NOD1: variants seen among roughly 807,000 people sequenced by gnomAD.
NOD1 encodes nucleotide binding oligomerization domain containing 1, also known as nucleotide-binding oligomerization domain-containing protein 1.
Under a neutral mutation model 81.2 loss-of-function variants are expected in NOD1, and 70 were observed. That is an observed-to-expected ratio of 0.86 (90% CI 0.71 to 1.05). NOD1 has a LOEUF of 1.05. NOD1 is among the 50% of genes least tolerant of loss of function. The pLI, the probability that NOD1 is intolerant of heterozygous loss-of-function variation, is 0.00. For synonymous variants in NOD1, 508 were observed against 526.9 expected, an observed-to-expected ratio of 0.96 and a Z score of 0.49; for missense variants, 1,233 against 1,228.0, an observed-to-expected ratio of 1.00 and a Z score of -0.06.
chr7:30,433,385 C>G (rs527651433), intron 11 of NOD1: 2 of 556,158 alleles, frequency 3.6e-6, no homozygotes, highest in East Asian at 2.9e-5. Flanking sequence ...AAATCCTGTA[C>G]CTGGGCTCCT....
chr7:30,448,379 A>G lies in NOD1; in HGVS notation c.2204T>C (p.Leu735Pro). The change falls in exon 7 of 14, where the codon CTC becomes CCC. Residue 735 changes from leucine to proline, a missense_variant and splice_region_variant. By Grantham distance (98) the Leu-to-Pro change is moderately conservative. Coordinates refer to ENST00000222823, the MANE Select transcript of NOD1 (RefSeq NM_006092.4). ...ACCGTCAGTGATCTGGTTTACGCTG[A>G]GTCTGAAATAAAACAGCAAAAAAAT... is the stretch of plus-strand genomic sequence containing the variant. ...PCFSRLTVLRLSVNQITDGGV... is the reference protein window; with the variant it reads ...PCFSRLTVLRPSVNQITDGGV... The G allele has an allele frequency of 6.2e-7, 1 of 1,613,804 alleles. No homozygotes were observed. Among genetic ancestry groups the G allele is most frequent in the Non-Finnish European group, 8.5e-7 (1 of 1,179,648 alleles).
In NOD1 at chr7:30,451,314, G is replaced by A. The variant is rs773738635; in HGVS notation, c.2103C>T (p.His701=). The change falls in exon 6 of 14, where the codon CAC becomes CAT. Residue 701 remains histidine (H), a synonymous_variant. Coordinates refer to ENST00000222823, the MANE Select transcript of NOD1 (RefSeq NM_006092.4). The surrounding 1 kb of genome is among the most constrained non-coding windows in gnomAD (Gnocchi z 4.2). ...DCSALSFVLH[H]FPKRLALDLD... is the part of the protein sequence containing the mutation. ...GGTCTAGGGCCAGCCGCTTGGGGAA[G>A]TGATGCAGGACGAAGGAGAGGGCGC... 6.2e-7 allele frequency: 1 copy of A among 1,614,228 alleles called. No individual in the cohort carries two copies. Among genetic ancestry groups the A allele is most frequent in the Middle Eastern group, 1.6e-4 (1 of 6,062 alleles).
At chr7:30,477,138 C>G (rs1436317811) in intron 1 of NOD1, among the ~76,000 whole-genome samples, 2 of 152,202 alleles carry the variant, frequency 1.3e-5, no homozygotes, top group Non-Finnish European at 2.9e-5. Flanking sequence ...AGTTTTGACC[C>G]AGATTTGATG....
intron 7 of NOD1, chr7:30,447,792 T>G (rs1329842599): frequency 1.9e-5 from 3 of 156,074 alleles, no homozygotes; most frequent in Non-Finnish European, 4.3e-5. Flanking sequence ...GTGGAGCTAC[T>G]TATAGTCTTT....
intron 1 of NOD1, among the ~76,000 whole-genome samples, chr7:30,471,356 G>A (rs894377224): frequency 1.3e-5 from 2 of 152,184 alleles, no homozygotes; most frequent in Admixed American, 6.5e-5. Context: ...CCAACCAGCC[G>A]AGATACACCT....
At chr7:30,460,765 G>C (rs1034913710) in intron 1 of NOD1, 1 of 832,088 alleles carries the variant, frequency 1.2e-6, no homozygotes, top group Non-Finnish European at 1.4e-6. Flanking sequence ...CCTCTCAACC[G>C]CTCTTCTTTC....
intron 13 of NOD1, among the ~76,000 whole-genome samples, chr7:30,425,958 A>AT (rs2127978583): frequency 1.3e-5 from 2 of 151,814 alleles, no homozygotes; most frequent in East Asian, 3.9e-4. Context: ...ATTTAATGAC[A>AT]TTTTCCAGGT....
rs568930061 is a variant in NOD1 at position 30,433,061 on chromosome 7, A to C, written c.2705+35T>G. On this transcript the variant is annotated intron_variant, in intron 12 of 13. Transcript: ENST00000222823. ...ATCTCAAAAAATACTTTTGAAAAGT[A>C]GCACAGTCTGAAATTGTAAGGCTCT... is the stretch of plus-strand genomic sequence containing the variant. 20 of 1,455,874 alleles carry C rather than the reference A, an allele frequency of 1.4e-5. No homozygotes were observed. The East Asian group carries it at 4.3e-4, about 31-fold the overall frequency. 90.2% of individuals were successfully genotyped at this position (1,455,874 alleles called of 1,614,324 possible).
intron 9 of NOD1, among the ~76,000 whole-genome samples, chr7:30,445,756 CAAAAA>C (rs35669955): frequency 8.3e-5 from 3 of 36,072 alleles, no homozygotes; most frequent in Admixed American, 3.4e-4. Context: ...GAGACTCTGT[CAAAAA>C]AAAAAAAAAA....
intron 8 of NOD1, chr7:30,446,517 C>T (rs945296110): frequency 2.2e-5 from 10 of 451,620 alleles, no homozygotes; most frequent in Admixed American, 1.2e-4. Context: ...TGACTTCCCT[C>T]GGGAGACCTG....
rs752576245 is a variant in NOD1 at position 30,447,014 on chromosome 7, C to G, written c.2322G>C (p.Arg774Ser). The change falls in exon 8 of 14, where the codon AGG (arginine) becomes AGC (serine). Residue 774 changes from arginine to serine, a missense_variant. Physicochemically the swap from Arg to Ser is moderately radical, Grantham distance 110 (BLOSUM62 -1). Coordinates refer to ENST00000222823, the MANE Select transcript of NOD1 (RefSeq NM_006092.4). ...YNNQITDVGA[R>S]YVTKILDECK... ...ATTCATCCAGGATTTTGGTGACGTA[C>G]CTGGCTCCGACATCGGTGATCTGGT... 5.6e-6 allele frequency: 9 copies of G among 1,614,178 alleles called. No individual in the cohort carries two copies. In the Admixed American group the frequency reaches 1.5e-4, roughly 27 times the overall value.
At chr7:30,464,432 G>A (rs1453744687) in intron 1 of NOD1, among the ~76,000 whole-genome samples, 2 of 152,186 alleles carry the variant, frequency 1.3e-5, no homozygotes, top group Non-Finnish European at 2.9e-5. Flanking sequence ...CCTCATGTCC[G>A]GCCCTGCAAC....
At chr7:30,458,814 G>C (rs373577059) in intron 3 of NOD1, among the ~76,000 whole-genome samples, 2 of 148,838 alleles carry the variant, frequency 1.3e-5, no homozygotes, top group Non-Finnish European at 3.0e-5. Flanking sequence ...TCGGCTCACT[G>C]CAACATCTGC....
chr7:30,426,129 T>C (rs1376513670), intron 13 of NOD1, among the ~76,000 whole-genome samples: 1 of 152,108 alleles, frequency 6.6e-6, no homozygotes, highest in African/African-American at 2.4e-5. Flanking sequence ...CCATGTGACC[T>C]CTACATCTGA....
At chr7:30,441,144 G>A (rs1784850128) in intron 9 of NOD1, among the ~76,000 whole-genome samples, 1 of 62,878 alleles carries the variant, frequency 1.6e-5, no homozygotes, top group Non-Finnish European at 3.1e-5. Flanking sequence ...ACCAGCCGCT[G>A]CAAAATCATG....
In NOD1 at chr7:30,456,713, C is replaced by T. The variant is rs766847336; in HGVS notation, c.201+8G>A. 30 of 1,613,062 alleles carry T rather than the reference C, an allele frequency of 1.9e-5. No individual in the cohort carries two copies. Among genetic ancestry groups the T allele is most frequent in the Non-Finnish European group, 2.3e-5 (27 of 1,179,654 alleles). On this transcript the variant is annotated splice_region_variant and intron_variant, in intron 4 of 13. Transcript: ENST00000222823. ...ACAATGCCATGCCCGTCCCTGTCCC[C>T]GGGGCACCTTGTCAGGCTGGGTGGG... is the stretch of plus-strand genomic sequence containing the variant.
At position 30,446,982 on chromosome 7, in the gene NOD1, C is replaced by A. The variant is rs748179226; in HGVS notation, c.2354G>T (p.Gly785Val). ...CCCCACTTACTTAAGATGCGTGAGGCCTTTGCATTCATCCAGGATTTTGGT... is the reference window on the plus strand; with the variant it reads ...CCCCACTTACTTAAGATGCGTGAGGACTTTGCATTCATCCAGGATTTTGGT... Reference protein sequence around the residue: ...YVTKILDECKGLTHLKLGKNK... With the variant: ...YVTKILDECKVLTHLKLGKNK... Residue 785 changes from glycine (G) to valine (V), a missense_variant, in exon 8 of 14, where the codon GGC becomes GTC. Physicochemically the swap from Gly to Val is moderately radical, Grantham distance 109. Transcript: ENST00000222823. The A allele has an allele frequency of 2.5e-6, 4 of 1,614,014 alleles. No individual in the cohort carries two copies. Among genetic ancestry groups the A allele is most frequent in the Non-Finnish European group, 3.4e-6 (4 of 1,179,896 alleles).
At chr7:30,438,694 C>G (rs143071756) in intron 9 of NOD1, among the ~76,000 whole-genome samples, 1 of 152,144 alleles carries the variant, frequency 6.6e-6, no homozygotes, top group Admixed American at 6.6e-5. Context: ...ATTTACTATA[C>G]AATTGAATGG....
In NOD1 at chr7:30,451,979, G is replaced by C; in HGVS notation, c.1438C>G (p.Gln480Glu). The C allele has an allele frequency of 1.2e-6, 2 of 1,613,578 alleles. No individual in the cohort carries two copies. The highest frequency in any genetic ancestry group is 1.7e-6 in the Non-Finnish European group (2 of 1,179,996). Residue 480 changes from glutamine (Q) to glutamate (E), a missense_variant, in exon 6 of 14, where the codon CAG becomes GAG. Transcript: ENST00000222823. The surrounding 1 kb of genome is among the most constrained non-coding windows in gnomAD (Gnocchi z 4.2). Reference protein sequence around the residue: ...GMEKSLFVFTQEEVQASGLQE... With the variant: ...GMEKSLFVFTEEEVQASGLQE... Reference sequence around the variant, plus strand: ...AGCCCGGAGGCCTGCACCTCCTCCTGGGTGAAGACAAAGAGGCTCTTCTCC... The same window carrying C: ...AGCCCGGAGGCCTGCACCTCCTCCTCGGTGAAGACAAAGAGGCTCTTCTCC...
Sources: allele counts gnomAD v4.1 joint callset (sites outside exome capture counted in the v4.1 genomes callset), GRCh38; gene constraint gnomAD v4.1.1; non-coding constraint Gnocchi (gnomAD v3.1); transcripts MANE v1.5; gene names NCBI Gene and HGNC (gene_info 2026-07-23, HGNC 2026-07-21).